The following USP33 variants were observed in gnomAD, a reference collection of about 807,000 sequenced individuals.
USP33 encodes ubiquitin carboxyl-terminal hydrolase 33.
A neutral mutation model predicts 124.2 loss-of-function variants in USP33; 46 were observed. The ratio of observed to expected loss-of-function variants is 0.37; its 90% CI spans 0.29 to 0.47. The LOEUF is 0.47. Among genes scored for constraint, USP33 ranks in the 20% least tolerant of loss-of-function variants. USP33 has a pLI of 0.99. For synonymous variants in USP33, 350 were observed against 352.3 expected (o/e 0.99, Z 0.07); for missense variants, 851 against 1,070.6 (o/e 0.79, Z 2.86).
At position 77,721,815 on chromosome 1, in the gene USP33, A is replaced by G; in HGVS notation, c.1657+16T>C. The G allele has an allele frequency of 6.3e-7, 1 of 1,596,316 alleles. No homozygotes were observed. Among genetic ancestry groups the G allele is most frequent in the Non-Finnish European group, 8.5e-7 (1 of 1,174,188 alleles). ...TTTACCTACAAAAATTTAGCCATAG[A>G]TATTATATTTCTTACCTTTTAGTTC... On this transcript the variant is annotated intron_variant, in intron 14 of 23. Transcript: ENST00000370794.
At chr1:77,712,880 A>G (rs946764369) in intron 20 of USP33, among the ~76,000 whole-genome samples, 5 of 152,190 alleles carry the variant, frequency 3.3e-5, no homozygotes, top group Admixed American at 2.0e-4. Context: ...AAAAAAATTT[A>G]CAATTTAAGA....
intron 19 of USP33, among the ~76,000 whole-genome samples, chr1:77,714,297 A>C (rs2101296655): frequency 6.6e-6 from 1 of 152,332 alleles, no homozygotes; most frequent in South Asian, 2.1e-4. Flanking sequence ...TAATGTAAAC[A>C]GCTGTTTATG....
chr1:77,697,293 T>C lies in USP33; in HGVS notation c.*24A>G, dbSNP rs975065469. On this transcript the variant is annotated 3_prime_UTR_variant, in exon 24 of 24. Coordinates refer to ENST00000370794, the MANE Select transcript of USP33 (RefSeq NM_201624.3). ...CAGGGCACATGAAAATGATTCCTCA[T>C]TAGAACTCTCTACATCCTAAAAATT... 1 of 1,569,174 alleles carries C rather than the reference T, an allele frequency of 6.4e-7. No individual in the cohort carries two copies. The highest frequency in any genetic ancestry group is 8.6e-7 in the Non-Finnish European group (1 of 1,160,466).
intron 1 of USP33, among the ~76,000 whole-genome samples, chr1:77,753,364 G>T (rs186502427): frequency 2.6e-5 from 4 of 152,084 alleles, no homozygotes; most frequent in Admixed American, 2.6e-4. Flanking sequence ...GGGGCATGAG[G>T]ATCGCTTGAG....
At chr1:77,718,691 A>AATAAAACTTTATACTAATTTAAATATACT in intron 15 of USP33, 50 bp from the exon 16 acceptor site, 1 of 1,428,994 alleles carries the variant, frequency 7.0e-7, no homozygotes, top group Non-Finnish European at 9.7e-7. Context: ...AACTTAGTAT[A>AATAAAACTTTATACTAATTTAAATATACT]TTTAAATTTG....
intron 1 of USP33, 54 bp downstream of exon 1, chr1:77,759,589 A>T (rs1047011779): frequency 2.5e-6 from 1 of 398,184 alleles, no homozygotes; most frequent in Non-Finnish European, 4.4e-6. Context: ...CGGACCCCGG[A>T]CGCGAGCGAA....
intron 21 of USP33, among the ~76,000 whole-genome samples, chr1:77,703,825 C>T (rs983366022): frequency 1.3e-5 from 2 of 152,106 alleles, no homozygotes; most frequent in Non-Finnish European, 2.9e-5. Context: ...CCAGCCTGGG[C>T]AACATGGTTA....
rs1251159072 is a variant in USP33, at chr1:77,723,320, C to G, written c.1389+11G>C. On this transcript the variant is annotated intron_variant, in intron 12 of 23. Transcript: ENST00000370794. ...CGAATTTTCTGTGTATTCTAATACC[C>G]TCATACTCACCCTGTCACAAGTCAG... The G allele has an allele frequency of 5.1e-6, 8 of 1,569,644 alleles. No homozygotes were observed. In the South Asian group the frequency reaches 9.0e-5, roughly 18 times the overall value.
intron 7 of USP33, among the ~76,000 whole-genome samples, chr1:77,733,432 G>C (rs1678077756): frequency 6.6e-6 from 1 of 151,344 alleles, no homozygotes; most frequent in African/African-American, 2.4e-5. Flanking sequence ...CTTCAAAGAT[G>C]TGTTCTCTGA....
intron 1 of USP33, among the ~76,000 whole-genome samples, chr1:77,758,523 T>C (rs926584206): frequency 2.0e-5 from 3 of 152,214 alleles, no homozygotes; most frequent in African/African-American, 7.2e-5. Flanking sequence ...ACAAAGCTCC[T>C]AGCATTGTGT....
chr1:77,714,554 A>G, intron 19 of USP33, 60 bp downstream of exon 19: 1 of 1,549,980 alleles, frequency 6.5e-7, no homozygotes, highest in Middle Eastern at 2.3e-4. Context: ...TGGCTCTCCT[A>G]ATTTGCAAAT....
intron 21 of USP33, 166 bp downstream of exon 21, chr1:77,711,581 C>T (rs1675268095): frequency 2.8e-6 from 3 of 1,087,812 alleles, no homozygotes; most frequent in African/African-American, 1.6e-5. Context: ...CATAACTCAA[C>T]AGAACTGTAG....
chr1:77,734,226 C>T, intron 7 of USP33, 121 bp downstream of exon 7: 1 of 761,138 alleles, frequency 1.3e-6, no homozygotes. Context: ...GGGTTATGTC[C>T]CAAACCAGAT....
chr1:77,741,051 C>A, intron 3 of USP33, 112 bp from the exon 4 acceptor site: 1 of 742,098 alleles, frequency 1.3e-6, no homozygotes. Context: ...GTTTTACATT[C>A]AATGAGTAAA....
At chr1:77,737,054 GAAA>G (rs978186663) in intron 5 of USP33, among the ~76,000 whole-genome samples, 1 of 149,464 alleles carries the variant, frequency 6.7e-6, no homozygotes, top group Non-Finnish European at 1.5e-5. Context: ...AAAAAAAAAC[GAAA>G]AAAACTTTGA....
At chr1:77,741,817 TAAAAA>T in intron 1 of USP33, 69 bp from the exon 2 acceptor site, 1 of 1,332,408 alleles carries the variant, frequency 7.5e-7, no homozygotes, top group Non-Finnish European at 1.0e-6. Context: ...TTCCAAAAAA[TAAAAA>T]AATTAAAATG....
intron 20 of USP33, among the ~76,000 whole-genome samples, chr1:77,712,056 T>G (rs1223462750): frequency 2.0e-5 from 3 of 152,206 alleles, no homozygotes; most frequent in African/African-American, 7.2e-5. Flanking sequence ...CTGCTTTATC[T>G]ATATTTCAAC....
At chr1:77,738,542 A>G (rs145265307) in intron 5 of USP33, among the ~76,000 whole-genome samples, 3,824 of 151,744 alleles carry the variant, frequency 0.025, 123 homozygotes, top group African/African-American at 0.088. Context: ...GTGCAGTGGC[A>G]AGGTCTCGGC....
rs983424850 is a variant in USP33, at chr1:77,759,777, G to T, written c.-186C>A. On this transcript the variant is annotated 5_prime_UTR_variant, in exon 1 of 24. Transcript: ENST00000370794. ...GTCAGGAGGGCCGGAAAACGGCCCCGCAGCGCTGCCCTCGGGGGGTCCGCC... is the reference window on the plus strand; with the variant it reads ...GTCAGGAGGGCCGGAAAACGGCCCCTCAGCGCTGCCCTCGGGGGGTCCGCC... The T allele has an allele frequency of 2.3e-5, 9 of 397,774 alleles. No individual in the cohort carries two copies. The Admixed American group carries it at 3.5e-4, about 16-fold the overall frequency. 24.6% of individuals were successfully genotyped at this position (397,774 alleles called of 1,614,324 possible).
Sources: allele counts gnomAD v4.1 joint callset (sites outside exome capture counted in the v4.1 genomes callset), GRCh38; gene constraint gnomAD v4.1.1; transcripts MANE v1.5; gene names NCBI Gene and HGNC (gene_info 2026-07-23, HGNC 2026-07-21).